Variants in CMIP observed in about 807,000 individuals in gnomAD.
CMIP encodes c-Maf inducing protein.
In CMIP, 13 loss-of-function variants were observed where a neutral mutation model predicts 97.3. The ratio of observed to expected loss-of-function variants is 0.13; its 90% confidence interval spans 0.09 to 0.21. The LOEUF (loss-of-function observed/expected upper bound fraction) is 0.21. Among genes scored for constraint, CMIP ranks in the 10% least tolerant of loss-of-function variants. CMIP has a pLI of 1.00. For missense variants in CMIP, 847 were observed against 1,024.9 expected (o/e 0.83, Z 2.37); for synonymous variants, 538 against 436.3 (o/e 1.23, Z -2.91).
chr16:81,478,653 C>G (rs560557366), intron 1 of CMIP, among the ~76,000 whole-genome samples: 3 of 152,312 alleles, frequency 2.0e-5, no homozygotes, highest in Admixed American at 2.0e-4. Flanking sequence ...AGAGCCGCAG[C>G]CACCCCAGAG....
At chr16:81,515,369 C>T (rs1244040821) in intron 1 of CMIP, among the ~76,000 whole-genome samples, 2 of 152,196 alleles carry the variant, frequency 1.3e-5, no homozygotes, top group Non-Finnish European at 2.9e-5. Flanking sequence ...TGGAAAAACA[C>T]AAGGTCTGTG....
At chr16:81,511,530 G>A (rs1167113287) in intron 1 of CMIP, among the ~76,000 whole-genome samples, 1 of 152,142 alleles carries the variant, frequency 6.6e-6, no homozygotes, top group Non-Finnish European at 1.5e-5. Flanking sequence ...TCTGTTCCCT[G>A]TATTTCCTGT....
chr16:81,593,099 A>G (rs982034750), intron 1 of CMIP, among the ~76,000 whole-genome samples: 1 of 152,162 alleles, frequency 6.6e-6, no homozygotes, highest in African/African-American at 2.4e-5. Context: ...ACCTTGAGCC[A>G]TGTGGCCATA....
intron 2 of CMIP, among the ~76,000 whole-genome samples, chr16:81,615,786 C>G (rs2091909934): frequency 6.6e-6 from 1 of 151,858 alleles, no homozygotes; most frequent in African/African-American, 2.4e-5. Context: ...TAAATGTTGA[C>G]ATTACATGGG....
chr16:81,594,860 G>A (rs1259183771), intron 1 of CMIP, among the ~76,000 whole-genome samples: 1 of 140,018 alleles, frequency 7.1e-6, no homozygotes, highest in Non-Finnish European at 1.5e-5. Context: ...TCAATCTCCT[G>A]ACCTCATGAT....
intron 10 of CMIP, among the ~76,000 whole-genome samples, chr16:81,686,035 C>T (rs1905348225): frequency 6.6e-6 from 1 of 152,230 alleles, no homozygotes; most frequent in Non-Finnish European, 1.5e-5. Context: ...CAGCCCATCA[C>T]TGTGTCTCCA....
intron 10 of CMIP, among the ~76,000 whole-genome samples, chr16:81,684,951 C>T (rs1905230657): frequency 6.6e-6 from 1 of 152,248 alleles, no homozygotes; most frequent in African/African-American, 2.4e-5. Context: ...GATAACAGGC[C>T]CGCCCAGAGC....
chr16:81,678,644 G>A lies in CMIP; in HGVS notation c.1388+16G>A, dbSNP rs1352273758. Reference sequence around the variant, plus strand: ...TCAAGCTGCTGTGAGTGCCCCCCCCGCGTGCCCGCCCCCGGGGCCGGTGGG... The same window carrying A: ...TCAAGCTGCTGTGAGTGCCCCCCCCACGTGCCCGCCCCCGGGGCCGGTGGG... On this transcript the variant is annotated intron_variant, in intron 10 of 20. Coordinates refer to ENST00000537098, the MANE Select transcript of CMIP (RefSeq NM_198390.3). 17 of 1,200,872 alleles carry A rather than the reference G, an allele frequency of 1.4e-5. No homozygotes were observed. In the Middle Eastern group the frequency reaches 9.2e-4, roughly 65 times the overall value. The allele number at this position is 1,200,872 out of a possible 1,614,324, so 74.4% of individuals were successfully genotyped here.
chr16:81,628,462 T>C (rs2092104690), intron 3 of CMIP, among the ~76,000 whole-genome samples: 1 of 152,232 alleles, frequency 6.6e-6, no homozygotes, highest in Non-Finnish European at 1.5e-5. Flanking sequence ...TTACTCACCT[T>C]GGTGAATCCT....
intron 3 of CMIP, among the ~76,000 whole-genome samples, chr16:81,628,962 C>G (rs564597237): frequency 2.6e-5 from 4 of 151,648 alleles, no homozygotes; most frequent in African/African-American, 9.7e-5. Flanking sequence ...ATGGGGAAAC[C>G]CTGTCTCTAC....
chr16:81,505,124 A>G (rs1306118902), intron 1 of CMIP, among the ~76,000 whole-genome samples: 1 of 152,326 alleles, frequency 6.6e-6, no homozygotes, highest in African/African-American at 2.4e-5. Flanking sequence ...GACCCAGCCG[A>G]TGGAGGGCCC....
rs952142773 is a variant in CMIP, at chr16:81,481,983, A to G, written c.300+36442A>G. Among the ~76,000 whole-genome samples the G allele has an allele frequency of 2.7e-5, 4 of 149,736 alleles. No individual in the cohort carries two copies. The East Asian group carries it at 5.9e-4, about 22-fold the overall frequency. ...AACCTCTGCCTCCCGGGTTCAGGTG[A>G]TTCTTGTGCCTCAGCCTCCTGAGTA... On this transcript the variant is annotated intron_variant, in intron 1 of 20. Transcript: ENST00000537098.
chr16:81,659,709 T>A (rs972969718), intron 5 of CMIP, among the ~76,000 whole-genome samples: 10 of 152,108 alleles, frequency 6.6e-5, no homozygotes, highest in African/African-American at 2.4e-4. Context: ...GGAAAGAAAT[T>A]TTGATCTGAG....
intron 1 of CMIP, among the ~76,000 whole-genome samples, chr16:81,497,703 C>G (rs1432361823): frequency 2.0e-5 from 3 of 152,238 alleles, no homozygotes; most frequent in Non-Finnish European, 4.4e-5. Context: ...GTGCAGAATC[C>G]CGGTTTTCTG....
chr16:81,517,148 T>C (rs2089931840), intron 1 of CMIP, among the ~76,000 whole-genome samples: 1 of 150,680 alleles, frequency 6.6e-6, no homozygotes, highest in Admixed American at 6.6e-5. Context: ...GCCTCCAAGG[T>C]CATCGGTGAA....
intron 1 of CMIP, among the ~76,000 whole-genome samples, chr16:81,494,744 A>G (rs2089460450): frequency 6.6e-6 from 1 of 152,218 alleles, no homozygotes; most frequent in Non-Finnish European, 1.5e-5. Context: ...CTGGATGGAC[A>G]CTGCCCAGGT....
chr16:81,578,578 C>G (rs932237969), intron 1 of CMIP, among the ~76,000 whole-genome samples: 1 of 152,168 alleles, frequency 6.6e-6, no homozygotes, highest in African/African-American at 2.4e-5. Context: ...TGTGAATTTC[C>G]CCACCCCTTC....
chr16:81,470,720 A>G (rs906174636), intron 1 of CMIP, among the ~76,000 whole-genome samples: 20 of 152,358 alleles, frequency 1.3e-4, no homozygotes, highest in African/African-American at 4.3e-4. Flanking sequence ...GGTCTCCCAT[A>G]CTGCTGGGAT....
Position 81,673,191 on chromosome 16 carries a change from G to A in CMIP, c.1034+1121G>A, listed in dbSNP as rs1167414233. Among the ~76,000 whole-genome samples the A allele has an allele frequency of 2.6e-5, 4 of 152,098 alleles. No individual in the cohort carries two copies. The East Asian group carries it at 7.7e-4, about 29-fold the overall frequency. On this transcript the variant is annotated intron_variant, in intron 9 of 20. Transcript: ENST00000537098. ...GGTCCCAGGAAACACTGGGGGACAG[G>A]GAAGGGAGGACATCAGTGAAGTATG... is the stretch of plus-strand genomic sequence containing the variant.
Sources: gnomAD v4.1 joint callset for allele counts (sites outside exome capture counted in the v4.1 genomes callset) on GRCh38, gnomAD v4.1.1 for gene constraint, MANE v1.5 for transcripts, NCBI Gene and HGNC (gene_info 2026-07-23, HGNC 2026-07-21) for gene names.